YIPF6: variants seen among roughly 807,000 people sequenced by gnomAD.
YIPF6 encodes the protein protein YIPF6.
Under a neutral mutation model 16.8 loss-of-function variants are expected in YIPF6, and 3 were observed. The ratio of observed to expected loss-of-function variants is 0.18; its 90% CI spans 0.08 to 0.46. The LOEUF (loss-of-function observed/expected upper bound fraction) is 0.46. Ranked by LOEUF, YIPF6 falls within the 20% of genes least tolerant of loss-of-function variation. The pLI, the probability that YIPF6 is intolerant of heterozygous loss-of-function variation, is 0.98. For missense variants in YIPF6, 145 were observed against 184.9 expected, an observed-to-expected ratio of 0.78 and a Z score of 1.25; for synonymous variants, 67 against 61.9, an observed-to-expected ratio of 1.08 and a Z score of -0.38.
At chrX:68,519,892 G>A (rs1447499041) in intron 4 of YIPF6, among the ~76,000 whole-genome samples, 1 of 111,851 alleles carries the variant, frequency 8.9e-6, no homozygotes, top group Non-Finnish European at 1.9e-5. Context: ...TAGATGTCCC[G>A]AGCATATATA....
intron 1 of YIPF6, among the ~76,000 whole-genome samples, chrX:68,504,136 G>C (rs2079051412): frequency 8.9e-6 from 1 of 112,158 alleles, no homozygotes; most frequent in African/African-American, 3.2e-5. Flanking sequence ...AAAAGAGAGA[G>C]ATACACAGGG....
chrX:68,527,046 A>G (rs2079151391), intron 6 of YIPF6, among the ~76,000 whole-genome samples: 1 of 112,102 alleles, frequency 8.9e-6, no homozygotes, highest in African/African-American at 3.2e-5. Flanking sequence ...TTCAGACGGA[A>G]TGGTACCAGC....
chrX:68,529,834 T>C (rs1602471526), intron 6 of YIPF6, among the ~76,000 whole-genome samples: 1 of 111,734 alleles, frequency 8.9e-6, no homozygotes, highest in African/African-American at 3.2e-5. Context: ...TGCTGCCTGC[T>C]CCTTCCTCTG....
intron 1 of YIPF6, among the ~76,000 whole-genome samples, chrX:68,508,981 CTTTG>C (rs1307005305): frequency 9.0e-6 from 1 of 111,045 alleles, no homozygotes; most frequent in African/African-American, 3.3e-5. Flanking sequence ...CAGGGTTGAG[CTTTG>C]TTTGTTTTGT....
intron 6 of YIPF6, among the ~76,000 whole-genome samples, chrX:68,523,447 A>C (rs746176882): frequency 8.9e-6 from 1 of 111,884 alleles, no homozygotes; most frequent in South Asian, 3.7e-4. Context: ...CTTGTGAGTA[A>C]GAGAGTCAAA....
intron 6 of YIPF6, among the ~76,000 whole-genome samples, chrX:68,530,603 C>T (rs5965607): frequency 0.019 from 2,145 of 111,132 alleles, 18 homozygotes; most frequent in Non-Finnish European, 0.033. Flanking sequence ...GCATAGGCAT[C>T]CGAGGGAGTG....
chrX:68,524,376 C>T (rs1227218529), intron 6 of YIPF6, among the ~76,000 whole-genome samples: 1 of 110,104 alleles, frequency 9.1e-6, no homozygotes, highest in Non-Finnish European at 1.9e-5. Context: ...ACCATGTTGG[C>T]CAGGCTGGTC....
chrX:68,518,069 C>G (rs996348095), intron 3 of YIPF6, among the ~76,000 whole-genome samples: 2 of 109,944 alleles, frequency 1.8e-5, no homozygotes, highest in African/African-American at 6.6e-5. Flanking sequence ...GAGGTCAGTT[C>G]GAAATCATGC....
At chrX:68,531,232 A>C (rs1602472714) in intron 6 of YIPF6, among the ~76,000 whole-genome samples, 1 of 110,973 alleles carries the variant, frequency 9.0e-6, no homozygotes, top group Admixed American at 9.6e-5. Context: ...TCAAACAATT[A>C]TCCTGCCTCA....
At chrX:68,500,325 C>CT (rs1229771658) in intron 1 of YIPF6, among the ~76,000 whole-genome samples, 1 of 106,328 alleles carries the variant, frequency 9.4e-6, no homozygotes, top group Admixed American at 1.0e-4. Context: ...TTTTCTTTTT[C>CT]TTTTTTTGAG....
At chrX:68,512,764 A>G (rs189903389) in intron 2 of YIPF6, among the ~76,000 whole-genome samples, 2 of 111,164 alleles carry the variant, frequency 1.8e-5, no homozygotes, top group Admixed American at 1.9e-4. Flanking sequence ...AAATTAAAAC[A>G]GAATTAGCTC....
chrX:68,504,138 T>G (rs1470172043), intron 1 of YIPF6, among the ~76,000 whole-genome samples: 1 of 112,155 alleles, frequency 8.9e-6, no homozygotes, highest in Non-Finnish European at 1.9e-5. Flanking sequence ...AAGAGAGAGA[T>G]ACACAGGGCG....
chrX:68,507,307 G>T (rs2079063634), intron 1 of YIPF6, among the ~76,000 whole-genome samples: 1 of 111,967 alleles, frequency 8.9e-6, no homozygotes, highest in Admixed American at 9.6e-5. Context: ...AACTAATTTG[G>T]GAGATCATTT....
chrX:68,505,759 T>G (rs2079057305), intron 1 of YIPF6, among the ~76,000 whole-genome samples: 1 of 112,156 alleles, frequency 8.9e-6, no homozygotes, highest in South Asian at 3.7e-4. Context: ...TCACCACATT[T>G]TTTTTGGCCT....
intron 1 of YIPF6, among the ~76,000 whole-genome samples, chrX:68,504,212 A>G (rs2079051710): frequency 8.9e-6 from 1 of 111,798 alleles, no homozygotes; most frequent in African/African-American, 3.3e-5. Context: ...AAGACATGTT[A>G]CCCTCCTGGT....
intron 1 of YIPF6, among the ~76,000 whole-genome samples, chrX:68,501,720 G>A (rs760290048): frequency 8.9e-6 from 1 of 112,174 alleles, no homozygotes; most frequent in East Asian, 2.8e-4. Flanking sequence ...GTTGGAAGGT[G>A]CTAGTATATT....
intron 4 of YIPF6, among the ~76,000 whole-genome samples, chrX:68,519,250 T>C (rs1187692419): frequency 9.0e-6 from 1 of 111,200 alleles, no homozygotes; most frequent in Non-Finnish European, 1.9e-5. Flanking sequence ...ATACACATTG[T>C]AGGTAAAGGA....
At chrX:68,512,830 ATTTTTT>A (rs200742201) in intron 2 of YIPF6, among the ~76,000 whole-genome samples, 3 of 96,842 alleles carry the variant, frequency 3.1e-5, no homozygotes, top group Non-Finnish European at 6.3e-5. Context: ...CAGTTTCTTG[ATTTTTT>A]TTTTTTTTTT....
rs2079132241 is a variant in YIPF6 at position 68,522,815 on chromosome X, G to A, written c.490G>A (p.Ala164Thr). The change falls in exon 6 of 7, where the codon GCA (alanine) becomes ACA (threonine). Residue 164 changes from alanine (A) to threonine (T), a missense_variant. Physicochemically the swap from Ala to Thr is moderately conservative, Grantham distance 58 (BLOSUM62 0). Transcript: ENST00000462683. Reference sequence around the variant, plus strand: ...TTACTGTATACTTCCCTTGACAGTAGCAATGCTGATTTGCCGGCTGGTACT... The same window carrying A: ...TTACTGTATACTTCCCTTGACAGTAACAATGCTGATTTGCCGGCTGGTACT... ...LGYCILPLTV[A>T]MLICRLVLLA... The A allele has an allele frequency of 8.3e-7, 1 of 1,211,049 alleles. No individual in the cohort carries two copies. The highest frequency in any genetic ancestry group is 1.8e-5 in the South Asian group (1 of 56,907).
Sources: allele counts gnomAD v4.1 joint callset (sites outside exome capture counted in the v4.1 genomes callset), GRCh38; gene constraint gnomAD v4.1.1; transcripts MANE v1.5; gene names NCBI Gene and HGNC (gene_info 2026-07-23, HGNC 2026-07-21).